ROCK2: variants seen among roughly 807,000 people sequenced by gnomAD.
The protein encoded by ROCK2 is rho-associated protein kinase 2.
A neutral mutation model predicts 195.1 loss-of-function variants in ROCK2; 61 were observed. That is an observed-to-expected ratio of 0.31 (90% confidence interval 0.25 to 0.39). The LOEUF is 0.39. ROCK2 is among the 10% of genes least tolerant of loss of function. ROCK2 has a pLI of 1.00. For missense variants in ROCK2, 1,109 were observed against 1,637.4 expected (o/e 0.68, Z 5.57); for synonymous variants, 504 against 545.5 (o/e 0.92, Z 1.06).
chr2:11,339,814 T>C (rs934435053), intron 1 of ROCK2, among the ~76,000 whole-genome samples: 4 of 152,130 alleles, frequency 2.6e-5, no homozygotes, highest in Non-Finnish European at 5.9e-5. Context: ...ATGTTCAGGG[T>C]AGCAGATGAG....
intron 1 of ROCK2, among the ~76,000 whole-genome samples, chr2:11,297,385 C>A (rs536258097): frequency 2.4e-4 from 36 of 152,062 alleles, no homozygotes; most frequent in African/African-American, 7.5e-4. Flanking sequence ...TATAGCAAAT[C>A]TAAGTAAACA....
chr2:11,311,064 T>A (rs1010698647), intron 1 of ROCK2, among the ~76,000 whole-genome samples: 1 of 151,456 alleles, frequency 6.6e-6, no homozygotes, highest in Non-Finnish European at 1.5e-5. Context: ...AGCTATGAAA[T>A]CAGCATGAGA....
At chr2:11,323,536 G>A (rs1346806760) in intron 1 of ROCK2, among the ~76,000 whole-genome samples, 1 of 152,084 alleles carries the variant, frequency 6.6e-6, no homozygotes. Context: ...CAGGTAAGAG[G>A]TTTCTCATTA....
At position 11,192,372 on chromosome 2, in the gene ROCK2, A is replaced by G. The variant is rs763520895; in HGVS notation, c.3950-11T>C. 1 of 1,596,182 alleles carries G rather than the reference A, an allele frequency of 6.3e-7. No individual in the cohort carries two copies. The highest frequency in any genetic ancestry group is 1.1e-5 in the South Asian group (1 of 87,812). On this transcript the variant is annotated splice_polypyrimidine_tract_variant and intron_variant, in intron 31 of 32. Coordinates refer to ENST00000315872, the MANE Select transcript of ROCK2 (RefSeq NM_004850.5). The surrounding 1 kb of genome is among the most constrained non-coding windows in gnomAD (Gnocchi z 5.0). ...AAATATCATAATATACTATAAAGAA[A>G]AATTAGAAAAAAAAATTAATGTGCT...
At chr2:11,345,309 T>C (rs996905929), upstream of ROCK2, among the ~76,000 whole-genome samples, 2 of 152,168 alleles carry the variant, frequency 1.3e-5, no homozygotes, top group Non-Finnish European at 2.9e-5. Context: ...GGAAAAAGGC[T>C]TTCCAGCCGC....
chr2:11,201,229 T>C lies in ROCK2; in HGVS notation c.2723+81A>G. ...GTCTAATTCACTTCATCAATAATTT[T>C]TTATTTGGTGATTACCAGGCATTGT... On this transcript the variant is annotated intron_variant, in intron 22 of 32. Coordinates refer to ENST00000315872, the MANE Select transcript of ROCK2 (RefSeq NM_004850.5). This position sits in a 1 kb window ranked among gnomAD's most constrained non-coding sequence, Gnocchi z 4.6. 2 of 1,524,560 alleles carry C rather than the reference T, an allele frequency of 1.3e-6. No individual in the cohort carries two copies. Among genetic ancestry groups the C allele is most frequent in the Non-Finnish European group, 1.8e-6 (2 of 1,117,762 alleles). 94.4% of individuals were successfully genotyped at this position (1,524,560 alleles called of 1,614,324 possible).
intron 1 of ROCK2, among the ~76,000 whole-genome samples, chr2:11,297,795 G>GA (rs1355438788): frequency 6.6e-6 from 1 of 152,078 alleles, no homozygotes; most frequent in Non-Finnish European, 1.5e-5. Context: ...AGAGCTCTCT[G>GA]AGTACCTTTA....
chr2:11,284,485 C>T (rs1667118520), intron 3 of ROCK2, among the ~76,000 whole-genome samples: 3 of 152,020 alleles, frequency 2.0e-5, no homozygotes, highest in Admixed American at 6.6e-5. Context: ...TCTATGCACA[C>T]GTTGGGGCAA....
intron 5 of ROCK2, 26 bp from the exon 6 acceptor site, chr2:11,227,424 A>G (rs2148086839): frequency 6.3e-7 from 1 of 1,593,692 alleles, no homozygotes. Context: ...AGATAAAGAA[A>G]AAACAGTTCA....
intron 1 of ROCK2, chr2:11,308,064 G>A (rs1042189740): frequency 1.2e-5 from 20 of 1,605,268 alleles, no homozygotes; most frequent in African/African-American, 9.4e-5. Context: ...GCGCTGGGGC[G>A]CCAGTTTTAG....
At chr2:11,190,071 T>C (rs935797468) in intron 32 of ROCK2, among the ~76,000 whole-genome samples, 4 of 152,038 alleles carry the variant, frequency 2.6e-5, no homozygotes, top group African/African-American at 9.7e-5. Context: ...TAGGAGTACA[T>C]GAAACAATGG....
At chr2:11,275,382 G>A (rs570543006) in intron 3 of ROCK2, among the ~76,000 whole-genome samples, 1 of 152,110 alleles carries the variant, frequency 6.6e-6, no homozygotes, top group East Asian at 1.9e-4. Context: ...GACCCTGGTT[G>A]ACTGCGGGCA....
chr2:11,331,620 T>A (rs1200206553), intron 1 of ROCK2, among the ~76,000 whole-genome samples: 1 of 150,792 alleles, frequency 6.6e-6, no homozygotes, highest in Non-Finnish European at 1.5e-5. Context: ...GCCCTTAACA[T>A]CTGTAGCTCA....
intron 5 of ROCK2, among the ~76,000 whole-genome samples, chr2:11,228,535 G>C (rs1048831686): frequency 6.6e-6 from 1 of 152,050 alleles, no homozygotes; most frequent in African/African-American, 2.4e-5. Flanking sequence ...ACTTTGTGTG[G>C]ATTATTACAA....
intron 32 of ROCK2, among the ~76,000 whole-genome samples, chr2:11,188,846 G>A (rs943891759): frequency 1.3e-5 from 2 of 151,544 alleles, no homozygotes; most frequent in African/African-American, 4.9e-5. Flanking sequence ...GGATGGTCTC[G>A]ATCTCCTGAC....
intron 32 of ROCK2, among the ~76,000 whole-genome samples, chr2:11,186,827 G>A (rs558269973): frequency 9.2e-5 from 14 of 152,280 alleles, no homozygotes; most frequent in African/African-American, 3.4e-4. Context: ...TTGTCTGCTT[G>A]TAAAATTATC....
rs56401073 is a variant in ROCK2 at position 11,182,740 on chromosome 2, C to A, written c.*697G>T. 0.014 allele frequency: 2,095 copies of A among 152,532 alleles called. 24 individuals carry two copies. The highest frequency in any genetic ancestry group is 0.02 in the Non-Finnish European group (1,383 of 67,986). 9.4% of individuals were successfully genotyped at this position (152,532 alleles called of 1,614,324 possible). ...TTGCCTATCATGAAGCATTAGGAAA[C>A]TGATATAATTAACTTTAAACTTCTT... On this transcript the variant is annotated 3_prime_UTR_variant, in exon 33 of 33. Transcript: ENST00000315872.
intron 1 of ROCK2, among the ~76,000 whole-genome samples, chr2:11,299,979 T>C (rs995873562): frequency 9.2e-5 from 14 of 152,210 alleles, no homozygotes; most frequent in African/African-American, 2.9e-4. Flanking sequence ...TGCCCTCCCC[T>C]ATAAAGAATG....
chr2:11,196,375 T>C (rs1167541234), intron 27 of ROCK2, among the ~76,000 whole-genome samples: 2 of 152,228 alleles, frequency 1.3e-5, no homozygotes, highest in African/African-American at 4.8e-5. Context: ...ACTCTTGTTA[T>C]GAAACTTCAG....
Sources: gnomAD v4.1 joint callset for allele counts (sites outside exome capture counted in the v4.1 genomes callset) on GRCh38, gnomAD v4.1.1 for gene constraint, Gnocchi (gnomAD v3.1) non-coding constraint, MANE v1.5 for transcripts, NCBI Gene and HGNC (gene_info 2026-07-23, HGNC 2026-07-21) for gene names.